The following GLIS3 variants were observed in gnomAD, a reference collection of about 807,000 sequenced individuals.
The protein encoded by GLIS3 is zinc finger protein GLIS3.
Under a neutral mutation model 78.6 loss-of-function variants are expected in GLIS3, and 53 were observed. The ratio of observed to expected loss-of-function variants is 0.67; its 90% CI spans 0.54 to 0.85. The LOEUF (loss-of-function observed/expected upper bound fraction) is 0.85. GLIS3 is among the 40% of genes least tolerant of loss of function. The probability of loss-of-function intolerance (pLI) is 0.00; values close to 1 mark genes in which losing one functional copy is unlikely to be tolerated. For synonymous variants in GLIS3, 684 were observed against 509.9 expected (o/e 1.34, Z -4.60); for missense variants, 1,703 against 1,231.1 (o/e 1.38, Z -5.74).
intron 4 of GLIS3, among the ~76,000 whole-genome samples, chr9:4,033,444 A>G (rs1354281532): frequency 6.6e-6 from 1 of 152,166 alleles, no homozygotes; most frequent in East Asian, 1.9e-4. Flanking sequence ...AGCAAGGTCT[A>G]GAAGGAGGAA....
At chr9:4,390,611 C>T in the GLIS3 span, among the ~76,000 whole-genome samples, 1 of 152,174 alleles carries the variant, frequency 6.6e-6, no homozygotes, top group Non-Finnish European at 1.5e-5. Flanking sequence ...TGGCCTCATA[C>T]AGATATCTGT....
intron 2 of GLIS3, among the ~76,000 whole-genome samples, chr9:4,178,158 G>A (rs965109514): frequency 6.6e-6 from 1 of 152,248 alleles, no homozygotes; most frequent in East Asian, 1.9e-4. Context: ...AATGACTCTG[G>A]TCAGTTGCAT....
intron 4 of GLIS3, among the ~76,000 whole-genome samples, chr9:4,010,025 T>A (rs1008731189): frequency 2.6e-5 from 4 of 152,210 alleles, no homozygotes; most frequent in African/African-American, 4.8e-5. Context: ...TAAATAATTC[T>A]TCATTGTGGC....
rs1315754105 is a variant in GLIS3, at chr9:3,826,913, C to T, written c.*1359G>A. The stretch of plus-strand genomic sequence containing the variant: ...CTGGCCAATTTTTATAGCTGATGCC[C>T]TAGGACTTAGGATCTGTAATAGCTA... On this transcript the variant is annotated 3_prime_UTR_variant, in exon 11 of 11. Coordinates refer to ENST00000381971, the MANE Select transcript of GLIS3 (RefSeq NM_001042413.2). The T allele has an allele frequency of 6.6e-6, 1 of 152,142 alleles. No homozygotes were observed. The highest frequency in any genetic ancestry group is 2.4e-5 in the African/African-American group (1 of 41,412). 9.4% of individuals were successfully genotyped at this position (152,142 alleles called of 1,614,324 possible).
intron 7 of GLIS3, among the ~76,000 whole-genome samples, chr9:3,882,476 GT>G (rs1821795942): frequency 6.6e-5 from 10 of 151,644 alleles, no homozygotes; most frequent in Admixed American, 1.3e-4. Flanking sequence ...GCTACGGCTG[GT>G]GCATTAGCTG....
intron 2 of GLIS3, among the ~76,000 whole-genome samples, chr9:4,217,297 A>C (rs1820941403): frequency 6.6e-6 from 1 of 152,146 alleles, no homozygotes; most frequent in African/African-American, 2.4e-5. Context: ...CTGGTTGTAA[A>C]CCATTTGCCC....
intron 2 of GLIS3, among the ~76,000 whole-genome samples, chr9:4,141,727 G>C (rs1420984131): frequency 6.6e-6 from 1 of 152,170 alleles, no homozygotes; most frequent in Non-Finnish European, 1.5e-5. Flanking sequence ...GAGGTAGGAA[G>C]GCTGAAATAT....
chr9:4,252,410 C>A (rs4357349), intron 2 of GLIS3, among the ~76,000 whole-genome samples: 4 of 151,926 alleles, frequency 2.6e-5, no homozygotes, highest in Non-Finnish European at 5.9e-5. Context: ...GCCACTGATA[C>A]GTGGGTATGC....
At chr9:4,369,958 G>A in the GLIS3 span, among the ~76,000 whole-genome samples, 24 of 152,118 alleles carry the variant, frequency 1.6e-4, no homozygotes, top group African/African-American at 5.1e-4. Context: ...TTGGGAGGCC[G>A]AGGCAGGCAG....
chr9:3,878,955 A>T (rs968346549), intron 8 of GLIS3: 1 of 177,476 alleles, frequency 5.6e-6, no homozygotes, highest in African/African-American at 2.4e-5. Flanking sequence ...CATGAAGATC[A>T]TGGTTGTTTA....
chr9:4,024,019 GAAAAACAAAA>G (rs1031658605), intron 4 of GLIS3, among the ~76,000 whole-genome samples: 5 of 138,388 alleles, frequency 3.6e-5, no homozygotes, highest in South Asian at 4.5e-4. Context: ...AATTAAGAAG[GAAAAACAAAA>G]AAAAACAAAA....
intron 2 of GLIS3, among the ~76,000 whole-genome samples, chr9:4,272,365 G>C (rs1283861956): frequency 2.6e-5 from 4 of 152,082 alleles, no homozygotes; most frequent in Non-Finnish European, 5.9e-5. Flanking sequence ...ACTCCCAATT[G>C]CCAAGAACCT....
intron 2 of GLIS3, among the ~76,000 whole-genome samples, chr9:4,330,379 C>G (rs1189879884): frequency 6.6e-6 from 1 of 152,268 alleles, no homozygotes; most frequent in African/African-American, 2.4e-5. Context: ...ACTGCTAAAA[C>G]CTTTCCAGGT....
At chr9:4,156,166 A>T (rs1400094748) in intron 2 of GLIS3, among the ~76,000 whole-genome samples, 1 of 152,082 alleles carries the variant, frequency 6.6e-6, no homozygotes, top group African/African-American at 2.4e-5. Flanking sequence ...AGCAGCCCTG[A>T]AGCCTTCCTT....
chr9:3,881,033 G>A (rs1359672887), intron 7 of GLIS3, among the ~76,000 whole-genome samples: 1 of 152,144 alleles, frequency 6.6e-6, no homozygotes, highest in Non-Finnish European at 1.5e-5. Flanking sequence ...TTGCATATTT[G>A]CAAACTCACT....
intron 2 of GLIS3, among the ~76,000 whole-genome samples, chr9:4,221,031 T>G (rs966615824): frequency 2.0e-5 from 3 of 152,150 alleles, no homozygotes; most frequent in Non-Finnish European, 4.4e-5. Flanking sequence ...TGGATCTTAG[T>G]GCAAAAAGGA....
At chr9:4,251,998 T>C (rs913691624) in intron 2 of GLIS3, among the ~76,000 whole-genome samples, 1 of 152,210 alleles carries the variant, frequency 6.6e-6, no homozygotes, top group South Asian at 2.1e-4. Flanking sequence ...GGGCTTCCCT[T>C]TGTGGGTAAC....
chr9:4,037,076 C>A (rs956699549), intron 4 of GLIS3, among the ~76,000 whole-genome samples: 8 of 152,200 alleles, frequency 5.3e-5, no homozygotes, highest in African/African-American at 1.9e-4. Flanking sequence ...ACCCCACTCT[C>A]TGAGCACCAG....
chr9:4,267,189 C>T (rs1292517331), intron 2 of GLIS3, among the ~76,000 whole-genome samples: 1 of 152,110 alleles, frequency 6.6e-6, no homozygotes, highest in Non-Finnish European at 1.5e-5. Context: ...TTTCCTAAAC[C>T]GTCACATCTC....
Sources: gnomAD v4.1 joint callset for allele counts (sites outside exome capture counted in the v4.1 genomes callset) on GRCh38, gnomAD v4.1.1 for gene constraint, MANE v1.5 for transcripts, NCBI Gene and HGNC (gene_info 2026-07-23, HGNC 2026-07-21) for gene names.